The following YLPM1 variants were observed in gnomAD, a reference collection of about 807,000 sequenced individuals.
The protein encoded by YLPM1 is YLP motif-containing protein 1.
YLPM1 carries 99 observed loss-of-function variants against 230.0 expected under a neutral mutation model. The observed-to-expected ratio is 0.43, with a 90% CI of 0.37 to 0.51. The LOEUF (loss-of-function observed/expected upper bound fraction) is 0.51, where lower values mean the gene tolerates loss of function less well. Among genes scored for constraint, YLPM1 ranks in the 20% least tolerant of loss-of-function variants. The pLI is 0.00. For missense variants in YLPM1, 2,592 were observed against 2,707.7 expected (o/e 0.96, Z 0.95); for synonymous variants, 984 against 942.5 (o/e 1.04, Z -0.81).
At chr14:74,786,439 T>TCTCC (rs1280791004) in intron 4 of YLPM1, among the ~76,000 whole-genome samples, 1 of 147,072 alleles carries the variant, frequency 6.8e-6, no homozygotes, top group Non-Finnish European at 1.5e-5. Flanking sequence ...GCCCAAGAAA[T>TCTCC]CTCCCTCATC....
intron 19 of YLPM1, among the ~76,000 whole-genome samples, chr14:74,833,757 T>A (rs2091624594): frequency 6.6e-6 from 1 of 152,194 alleles, no homozygotes; most frequent in South Asian, 2.1e-4. Flanking sequence ...TTACTTTGGC[T>A]CCTCCCTTTG....
rs2270428 is a variant in YLPM1 at position 74,795,631 on chromosome 14, C to T, written c.2283-1949C>T. ...CTCTACATTCTCATATCAGTCACTG[C>T]CTTAGACTAGGCATCACCTTCACTT... On this transcript the variant is annotated intron_variant, in intron 4 of 20. Coordinates refer to ENST00000325680, the MANE Select transcript of YLPM1 (RefSeq NM_019589.3). 5.4e-3 allele frequency among the ~76,000 whole-genome samples: 819 copies of T among 152,268 alleles called. 25 individuals carry two copies. The highest frequency in any genetic ancestry group is 0.034 in the Admixed American group (515 of 15,298).
At chr14:74,770,113 C>T (rs1314854276) in intron 1 of YLPM1, among the ~76,000 whole-genome samples, 3 of 151,054 alleles carry the variant, frequency 2.0e-5, no homozygotes, top group East Asian at 2.0e-4. Context: ...ACCCGGGAGG[C>T]GGAGCTTGCA....
chr14:74,834,708 C>T (rs375477629), intron 19 of YLPM1, among the ~76,000 whole-genome samples: 5 of 152,142 alleles, frequency 3.3e-5, no homozygotes, highest in Admixed American at 6.5e-5. Context: ...TGGTGCGATG[C>T]GCTCTGAGTG....
chr14:74,817,024 C>T lies in YLPM1; in HGVS notation c.5779C>T (p.Pro1927Ser), dbSNP rs1760105447. The T allele has an allele frequency of 6.2e-7, 1 of 1,611,284 alleles. No homozygotes were observed. The highest frequency in any genetic ancestry group is 8.5e-7 in the Non-Finnish European group (1 of 1,178,970). ...FKKTLDDGFF[P>S]FIILDAINDR... is the part of the protein sequence containing the mutation. ...AAAGACTCTGGATGATGGCTTTTTT[C>T]CCTTCATCATCCTGGATGCCATCAA... is the stretch of plus-strand genomic sequence containing the variant. Residue 1927 changes from proline (P) to serine (S), a missense_variant, in exon 14 of 21, where the codon CCC becomes TCC. Pro to Ser is a moderately conservative substitution (Grantham distance 74). Coordinates refer to ENST00000325680, the MANE Select transcript of YLPM1 (RefSeq NM_019589.3).
At chr14:74,768,962 G>A (rs1212580948) in intron 1 of YLPM1, among the ~76,000 whole-genome samples, 2 of 151,952 alleles carry the variant, frequency 1.3e-5, no homozygotes, top group Non-Finnish European at 2.9e-5. Context: ...CATAGGAGGT[G>A]GAGAACAAAT....
Position 74,801,388 on chromosome 14 carries a change from T to C in YLPM1, c.4401-1168T>C, listed in dbSNP as rs74398366. ...TTGTGGACCCTCATTTGGGTCACTT[T>C]AATGTAAGGAGAAAATTGTAAAAGG... On this transcript the variant is annotated intron_variant, in intron 5 of 20. Coordinates refer to ENST00000325680, the MANE Select transcript of YLPM1 (RefSeq NM_019589.3). 8.5e-5 allele frequency among the ~76,000 whole-genome samples: 13 copies of C among 152,334 alleles called. No individual in the cohort carries two copies. The East Asian group carries it at 2.5e-3, about 29-fold the overall frequency.
rs752317047 is a variant in YLPM1, at chr14:74,778,591, A to C, written c.1018A>C (p.Ser340Arg). Residue 340 changes from serine (S) to arginine (R), a missense_variant, in exon 2 of 21, where the codon AGT (serine) becomes CGT (arginine). Around this residue, in one of 4 missense-constraint regions of YLPM1, gnomAD observed 1,862 missense variants for 1,819.8 expected, o/e 1.02. Coordinates refer to ENST00000325680, the MANE Select transcript of YLPM1 (RefSeq NM_019589.3). ...VKEEVTVPATSQVPESPSSEE... is the reference protein window; with the variant it reads ...VKEEVTVPATRQVPESPSSEE... ...AGAAGAAGTTACAGTACCTGCCACC[A>C]GTCAAGTTCCAGAATCTCCTTCTTC... The C allele has an allele frequency of 9.4e-6, 15 of 1,602,112 alleles. 1 individual carries two copies. The South Asian group carries it at 1.7e-4, about 18-fold the overall frequency.
chr14:74,770,346 A>G (rs558254715), intron 1 of YLPM1, among the ~76,000 whole-genome samples: 1 of 150,608 alleles, frequency 6.6e-6, no homozygotes, highest in South Asian at 2.1e-4. Flanking sequence ...TGAGTAGGCC[A>G]GGTGCAGTGG....
At chr14:74,826,193 T>C (rs1354425363) in intron 18 of YLPM1, among the ~76,000 whole-genome samples, 1 of 152,160 alleles carries the variant, frequency 6.6e-6, no homozygotes, top group African/African-American at 2.4e-5. Context: ...CTTGCACCAC[T>C]GTATTGAGAG....
At position 74,835,972 on chromosome 14, in the gene YLPM1, A is replaced by G; in HGVS notation, c.*234A>G. ...TTTCTTTTAACTGTTTTGGGGAGGG[A>G]GGGAGTGATAGCTTAACTGCTGAAG... On this transcript the variant is annotated 3_prime_UTR_variant, in exon 21 of 21. Transcript: ENST00000325680. 1 of 444,908 alleles carries G rather than the reference A, an allele frequency of 2.2e-6. No homozygotes were observed. Among genetic ancestry groups the G allele is most frequent in the African/African-American group, 2.0e-5 (1 of 49,126 alleles). 27.6% of individuals were successfully genotyped at this position (444,908 alleles called of 1,614,324 possible). A position where few individuals can be genotyped will look rare whatever the true frequency, so the allele number is the denominator to read the frequency against.
At chr14:74,835,470 AT>A in intron 20 of YLPM1, 23 bp downstream of exon 20, 11 of 1,582,522 alleles carry the variant, frequency 7.0e-6, no homozygotes, top group South Asian at 1.2e-5. Context: ...AGTCATATAA[AT>A]AGCCTACTGT....
At chr14:74,834,728 AGTCTGTATT>A in intron 19 of YLPM1, among the ~76,000 whole-genome samples, 2 of 152,324 alleles carry the variant, frequency 1.3e-5, no homozygotes, top group Admixed American at 1.3e-4. Context: ...GCTAGAAGGA[AGTCTGTATT>A]GTTTGTATAA....
At position 74,816,713 on chromosome 14, in the gene YLPM1, C is replaced by T. The variant is rs143070978; in HGVS notation, c.5685+23C>T. ...AAGGTATGGTATTCATCTCAGATCT[C>T]GTTCTGATTCATTAATAGTATTTAA... On this transcript the variant is annotated intron_variant, in intron 13 of 20. Coordinates refer to ENST00000325680, the MANE Select transcript of YLPM1 (RefSeq NM_019589.3). The T allele has an allele frequency of 1.5e-4, 235 of 1,593,558 alleles. No homozygotes were observed. The African/African-American group carries it at 2.8e-3, about 19-fold the overall frequency.
At chr14:74,835,233 T>A in intron 19 of YLPM1, 32 bp from the exon 20 acceptor site, 1 of 1,609,050 alleles carries the variant, frequency 6.2e-7, no homozygotes. Context: ...TTATTTTTCC[T>A]AAAGCTCAGC....
intron 4 of YLPM1, among the ~76,000 whole-genome samples, chr14:74,784,421 G>C (rs2091126745): frequency 6.6e-6 from 1 of 152,108 alleles, no homozygotes; most frequent in African/African-American, 2.4e-5. Context: ...ATTCCTCTTA[G>C]TGATATCAGG....
chr14:74,800,853 C>A (rs2091317575), intron 5 of YLPM1, among the ~76,000 whole-genome samples: 1 of 152,126 alleles, frequency 6.6e-6, no homozygotes, highest in Admixed American at 6.5e-5. Flanking sequence ...TGGGCACTTG[C>A]TAATAATTGA....
intron 6 of YLPM1, among the ~76,000 whole-genome samples, chr14:74,807,907 C>T (rs995705279): frequency 6.6e-6 from 1 of 152,168 alleles, no homozygotes; most frequent in African/African-American, 2.4e-5. Context: ...ATTCATTTCT[C>T]TCCTTCCTGC....
chr14:74,782,648 C>T (rs2091107666), intron 4 of YLPM1, among the ~76,000 whole-genome samples: 1 of 152,034 alleles, frequency 6.6e-6, no homozygotes, highest in South Asian at 2.1e-4. Context: ...CTTTTTCATT[C>T]ATTTGACAAA....
Sources: allele counts gnomAD v4.1 joint callset (sites outside exome capture counted in the v4.1 genomes callset), GRCh38; gene constraint gnomAD v4.1.1; regional missense constraint gnomAD v4.1.1; transcripts MANE v1.5; gene names NCBI Gene and HGNC (gene_info 2026-07-23, HGNC 2026-07-21).